The following ICA1 variants were observed in gnomAD, a reference collection of about 807,000 sequenced individuals.
ICA1 encodes the protein islet cell autoantigen 1.
In ICA1, 40 loss-of-function variants were observed where a neutral mutation model predicts 71.0. The observed-to-expected ratio is 0.56, with a 90% CI of 0.44 to 0.73. The LOEUF (loss-of-function observed/expected upper bound fraction) is 0.73. Ranked by LOEUF, ICA1 falls within the 30% of genes least tolerant of loss-of-function variation. ICA1 has a pLI of 0.00. For missense variants in ICA1, 578 were observed against 576.5 expected, an observed-to-expected ratio of 1.00 and a Z score of -0.03; for synonymous variants, 207 against 209.5, an observed-to-expected ratio of 0.99 and a Z score of 0.10.
chr7:8,143,125 G>C (rs1416685213), intron 9 of ICA1, among the ~76,000 whole-genome samples: 4 of 152,064 alleles, frequency 2.6e-5, no homozygotes, highest in Non-Finnish European at 4.4e-5. Context: ...TTCCTAGGTC[G>C]GCCAGTTCAA....
intron 6 of ICA1, among the ~76,000 whole-genome samples, chr7:8,168,864 AC>A (rs373550101): frequency 6.6e-6 from 1 of 152,098 alleles, no homozygotes; most frequent in Non-Finnish European, 1.5e-5. Flanking sequence ...CATCATCATT[AC>A]TTTTAAGCAG....
chr7:8,246,389 G>T (rs929770448), intron 1 of ICA1, among the ~76,000 whole-genome samples: 10 of 152,234 alleles, frequency 6.6e-5, no homozygotes, highest in Non-Finnish European at 1.3e-4. Context: ...AACCTGGGGA[G>T]TGTGGGAATG....
chr7:8,198,857 G>A (rs986361310), intron 6 of ICA1, among the ~76,000 whole-genome samples: 3 of 152,018 alleles, frequency 2.0e-5, no homozygotes, highest in Admixed American at 2.0e-4. Context: ...ACCTGACAAT[G>A]GATTAATAAC....
chr7:8,125,760 A>C (rs1788930190), intron 13 of ICA1, among the ~76,000 whole-genome samples: 1 of 152,144 alleles, frequency 6.6e-6, no homozygotes, highest in African/African-American at 2.4e-5. Context: ...TGAATGAGAG[A>C]CTTGCTAAAG....
intron 6 of ICA1, among the ~76,000 whole-genome samples, chr7:8,162,114 C>T (rs561927008): frequency 2.6e-4 from 39 of 152,276 alleles, no homozygotes; most frequent in Admixed American, 2.0e-3. Context: ...TTTTCCTTTA[C>T]GTTAACATAA....
chr7:8,125,970 G>T (rs940782173), intron 13 of ICA1, among the ~76,000 whole-genome samples: 1 of 152,150 alleles, frequency 6.6e-6, no homozygotes, highest in Non-Finnish European at 1.5e-5. Context: ...ATTCCCCATG[G>T]CCGCTGCCCT....
At chr7:8,118,925 T>C (rs573840000) in intron 13 of ICA1, among the ~76,000 whole-genome samples, 2 of 152,236 alleles carry the variant, frequency 1.3e-5, no homozygotes, top group Non-Finnish European at 2.9e-5. Context: ...GCTGACCTAC[T>C]GAATCAGAAT....
At chr7:8,221,156 G>C in intron 5 of ICA1, 119 bp downstream of exon 5, 1 of 1,172,272 alleles carries the variant, frequency 8.5e-7, no homozygotes, top group Non-Finnish European at 1.2e-6. Flanking sequence ...GTACAGAGCA[G>C]CTCCTCAGCC....
chr7:8,215,581 C>T (rs1234387368), intron 6 of ICA1, among the ~76,000 whole-genome samples: 1 of 152,130 alleles, frequency 6.6e-6, no homozygotes, highest in African/African-American at 2.4e-5. Flanking sequence ...TGCTGTATTC[C>T]CCTGGATGCT....
At chr7:8,230,876 C>G (rs766693331) in intron 3 of ICA1, among the ~76,000 whole-genome samples, 1 of 152,146 alleles carries the variant, frequency 6.6e-6, no homozygotes, top group Non-Finnish European at 1.5e-5. Flanking sequence ...ATTAATTGCA[C>G]TAACACATAC....
At chr7:8,209,904 G>A (rs1369688982) in intron 6 of ICA1, among the ~76,000 whole-genome samples, 4 of 152,188 alleles carry the variant, frequency 2.6e-5, no homozygotes, top group South Asian at 2.1e-4. Context: ...AACACAGGGT[G>A]TGCATGTATG....
Position 8,144,385 on chromosome 7 carries a change from G to C in ICA1, c.805-413C>G, listed in dbSNP as rs909115836. Among the ~76,000 whole-genome samples the C allele has an allele frequency of 2.3e-4, 35 of 152,184 alleles. No individual in the cohort carries two copies. The highest frequency in any genetic ancestry group is 1.6e-4 in the Non-Finnish European group (11 of 68,020). ...AGAAGTTCCTCCCACCTCCACCAGA[G>C]ATGAGACGATTTCATTTTGTTTTAA... is the stretch of plus-strand genomic sequence containing the variant. On this transcript the variant is annotated intron_variant, in intron 8 of 13. Transcript: ENST00000402384. The surrounding 1 kb of genome is among the most constrained non-coding windows in gnomAD (Gnocchi z 4.5).
intron 6 of ICA1, among the ~76,000 whole-genome samples, chr7:8,170,315 C>A (rs1807832659): frequency 6.6e-6 from 1 of 151,932 alleles, no homozygotes; most frequent in Non-Finnish European, 1.5e-5. Flanking sequence ...AATTGTTTTG[C>A]CCATTCCAGG....
intron 6 of ICA1, among the ~76,000 whole-genome samples, chr7:8,191,782 T>A (rs1468967547): frequency 6.6e-6 from 1 of 152,012 alleles, no homozygotes; most frequent in African/African-American, 2.4e-5. Flanking sequence ...CTTTTTTCAG[T>A]GCCATTCCTT....
chr7:8,257,742 C>T (rs1810709433), intron 1 of ICA1, among the ~76,000 whole-genome samples: 2 of 152,254 alleles, frequency 1.3e-5, no homozygotes, highest in South Asian at 4.2e-4. Context: ...ACTAATACCT[C>T]CACCACCTCC....
chr7:8,200,806 G>T (rs1354620679), intron 6 of ICA1, among the ~76,000 whole-genome samples: 1 of 152,320 alleles, frequency 6.6e-6, no homozygotes, highest in Admixed American at 6.5e-5. Context: ...TAAATGTCCA[G>T]CCAAACAGGA....
intron 5 of ICA1, among the ~76,000 whole-genome samples, chr7:8,220,037 A>C (rs1191831304): frequency 3.3e-5 from 5 of 152,150 alleles, no homozygotes; most frequent in Non-Finnish European, 7.4e-5. Flanking sequence ...TATTAGTAAA[A>C]ATTTTAGTTG....
chr7:8,251,250 T>C (rs1338091539), intron 1 of ICA1, among the ~76,000 whole-genome samples: 1 of 151,960 alleles, frequency 6.6e-6, no homozygotes, highest in East Asian at 1.9e-4. Flanking sequence ...TATACAATGA[T>C]TAAGTTATAT....
intron 13 of ICA1, chr7:8,116,373 G>A (rs1347773443): frequency 1.3e-5 from 2 of 152,148 alleles, no homozygotes; most frequent in African/African-American, 4.8e-5. Flanking sequence ...AAGTCACATG[G>A]ACCCACCAGT....
Sources: gnomAD v4.1 joint callset for allele counts (sites outside exome capture counted in the v4.1 genomes callset) on GRCh38, gnomAD v4.1.1 for gene constraint, Gnocchi (gnomAD v3.1) non-coding constraint, MANE v1.5 for transcripts, NCBI Gene and HGNC (gene_info 2026-07-23, HGNC 2026-07-21) for gene names.